Variants in XKR6 observed in about 807,000 individuals in gnomAD.
XKR6 encodes the protein XK-related protein 6.
Under a neutral mutation model 56.7 loss-of-function variants are expected in XKR6, and 22 were observed. The observed-to-expected ratio is 0.39, with a 90% CI of 0.28 to 0.55. XKR6 has a LOEUF of 0.55. Ranked by LOEUF, XKR6 falls within the 20% of genes least tolerant of loss-of-function variation. XKR6 has a pLI of 0.66. For missense variants in XKR6, 852 were observed against 889.0 expected (o/e 0.96, Z 0.53); for synonymous variants, 524 against 387.8 (o/e 1.35, Z -4.13).
chr8:10,955,614 G>A (rs1320861610), intron 1 of XKR6, among the ~76,000 whole-genome samples: 1 of 152,208 alleles, frequency 6.6e-6, no homozygotes, highest in Non-Finnish European at 1.5e-5. Flanking sequence ...ACTGAGGCAA[G>A]TAGTTTGCCT....
intron 1 of XKR6, among the ~76,000 whole-genome samples, chr8:10,990,887 G>A (rs1179464305): frequency 7.0e-6 from 1 of 143,292 alleles, no homozygotes; most frequent in African/African-American, 2.7e-5. Context: ...CCGGCCACTG[G>A]GGAATGTCTT....
intron 2 of XKR6, among the ~76,000 whole-genome samples, chr8:10,923,215 T>G (rs765887531): frequency 6.6e-6 from 1 of 152,336 alleles, no homozygotes; most frequent in Non-Finnish European, 1.5e-5. Flanking sequence ...CTCAGCTCAG[T>G]GTGGGTCTCA....
At position 10,970,406 on chromosome 8, in the gene XKR6, T is replaced by C. The variant is rs181098717; in HGVS notation, c.765-45576A>G. Among the ~76,000 whole-genome samples, 7 of 152,298 alleles carry C rather than the reference T, an allele frequency of 4.6e-5. No homozygotes were observed. The South Asian group carries it at 8.3e-4, about 18-fold the overall frequency. On this transcript the variant is annotated intron_variant, in intron 1 of 2. Transcript: ENST00000416569. ...TTCTCTGTGTCTGGAACCTAACATA[T>C]GATACTGTGAATATTTATTCTCCAC... is the stretch of plus-strand genomic sequence containing the variant.
At chr8:10,910,947 G>A (rs975160526) in intron 2 of XKR6, among the ~76,000 whole-genome samples, 2 of 152,158 alleles carry the variant, frequency 1.3e-5, no homozygotes, top group Non-Finnish European at 2.9e-5. Flanking sequence ...GAGAGTGCCA[G>A]GAAATCCATT....
At chr8:11,016,251 G>A (rs967066633) in intron 1 of XKR6, among the ~76,000 whole-genome samples, 1 of 152,190 alleles carries the variant, frequency 6.6e-6, no homozygotes, top group Non-Finnish European at 1.5e-5. Context: ...GAGGTTGGCC[G>A]GGGGCCTCTG....
At chr8:10,933,650 A>G (rs1302443503) in intron 1 of XKR6, among the ~76,000 whole-genome samples, 1 of 120,000 alleles carries the variant, frequency 8.3e-6, no homozygotes, top group East Asian at 2.0e-4. Flanking sequence ...TTTATTAAAT[A>G]GGGAATCCTT....
At chr8:11,196,079 T>G (rs936105269) in intron 1 of XKR6, among the ~76,000 whole-genome samples, 1 of 152,124 alleles carries the variant, frequency 6.6e-6, no homozygotes, top group Non-Finnish European at 1.5e-5. Context: ...AATCTATTAA[T>G]GTGTCTATAA....
chr8:11,098,036 C>T (rs917573587), intron 1 of XKR6, among the ~76,000 whole-genome samples: 4 of 152,100 alleles, frequency 2.6e-5, no homozygotes, highest in African/African-American at 9.7e-5. Context: ...GGGGCTCCCC[C>T]AGCATACACT....
intron 1 of XKR6, among the ~76,000 whole-genome samples, chr8:10,951,534 C>A (rs1020908647): frequency 6.6e-6 from 1 of 152,230 alleles, no homozygotes; most frequent in Non-Finnish European, 1.5e-5. Context: ...TTTCACACTG[C>A]GTGGCTTCTT....
intron 1 of XKR6, among the ~76,000 whole-genome samples, chr8:11,067,410 A>C (rs1163978092): frequency 1.3e-5 from 2 of 152,334 alleles, no homozygotes; most frequent in East Asian, 1.9e-4. Context: ...GAAGCATCAG[A>C]GTCCCATTTG....
At chr8:10,900,854 T>G in intron 2 of XKR6, among the ~76,000 whole-genome samples, 1 of 66,248 alleles carries the variant, frequency 1.5e-5, no homozygotes. Flanking sequence ...GATGTGCAAT[T>G]ACCTTTTTTT....
chr8:10,992,628 G>C (rs562960340), intron 1 of XKR6, among the ~76,000 whole-genome samples: 65 of 152,020 alleles, frequency 4.3e-4, no homozygotes, highest in African/African-American at 1.5e-3. Context: ...ACCTAGATTG[G>C]ACATCAAGAG....
intron 2 of XKR6, among the ~76,000 whole-genome samples, chr8:10,916,667 C>A (rs1800573161): frequency 6.6e-6 from 1 of 152,138 alleles, no homozygotes; most frequent in African/African-American, 2.4e-5. Flanking sequence ...GGAGACAGAG[C>A]AGTGGAGCTG....
intron 1 of XKR6, among the ~76,000 whole-genome samples, chr8:11,005,428 T>C (rs1451764722): frequency 6.6e-6 from 1 of 152,030 alleles, no homozygotes; most frequent in Non-Finnish European, 1.5e-5. Flanking sequence ...TGGGGAGCAG[T>C]TATTTAATGG....
intron 1 of XKR6, among the ~76,000 whole-genome samples, chr8:10,966,792 C>T (rs1006598161): frequency 3.3e-5 from 5 of 152,180 alleles, no homozygotes; most frequent in Admixed American, 2.6e-4. Context: ...TTTAACAAAC[C>T]CTCCAGGGGA....
At chr8:11,100,532 G>A (rs1048100620) in intron 1 of XKR6, among the ~76,000 whole-genome samples, 7 of 152,142 alleles carry the variant, frequency 4.6e-5, no homozygotes, top group South Asian at 2.1e-4. Context: ...AGGATGGCAC[G>A]GATAGAAGGC....
rs1436841043 is a variant in XKR6, at chr8:11,180,170, G to T, written c.764+20406C>A. ...AAATTAAAAATAAAAATAATAAAAG[G>T]TATTAAGTAACAAAAGTGCTTTGTC... On this transcript the variant is annotated intron_variant, in intron 1 of 2. Coordinates refer to ENST00000416569, the MANE Select transcript of XKR6 (RefSeq NM_173683.4). 5.3e-5 allele frequency among the ~76,000 whole-genome samples: 8 copies of T among 151,968 alleles called. No individual in the cohort carries two copies. In the East Asian group the frequency reaches 1.5e-3, roughly 29 times the overall value.
chr8:11,122,035 A>C (rs1419300089), intron 1 of XKR6, among the ~76,000 whole-genome samples: 1 of 152,096 alleles, frequency 6.6e-6, no homozygotes, highest in African/African-American at 2.4e-5. Flanking sequence ...TGGGATATTC[A>C]ATATTCAATA....
intron 1 of XKR6, among the ~76,000 whole-genome samples, chr8:11,130,040 T>C (rs939216280): frequency 1.3e-5 from 2 of 152,114 alleles, no homozygotes; most frequent in Admixed American, 1.3e-4. Context: ...GCGCTGAAAT[T>C]AATTCTCCAA....
Sources: gnomAD v4.1 joint callset for allele counts (sites outside exome capture counted in the v4.1 genomes callset) on GRCh38, gnomAD v4.1.1 for gene constraint, MANE v1.5 for transcripts, NCBI Gene and HGNC (gene_info 2026-07-23, HGNC 2026-07-21) for gene names.